Variants in ROBO1 observed in about 807,000 individuals in gnomAD.
ROBO1 encodes roundabout guidance receptor 1.
ROBO1 carries 149 observed loss-of-function variants against 195.9 expected under a neutral mutation model. That is an observed-to-expected ratio of 0.76 (90% CI 0.67 to 0.87). The LOEUF is 0.87. Among genes scored for constraint, ROBO1 ranks in the 40% least tolerant of loss-of-function variants. The pLI is 0.00. For missense variants in ROBO1, 1,933 were observed against 2,068.3 expected (o/e 0.93, Z 1.27); for synonymous variants, 816 against 733.2 (o/e 1.11, Z -1.82).
intron 4 of ROBO1, among the ~76,000 whole-genome samples, chr3:78,801,558 A>T (rs764633219): frequency 6.6e-6 from 1 of 152,168 alleles, no homozygotes; most frequent in African/African-American, 2.4e-5. Flanking sequence ...ACAAATTTTT[A>T]AATAGAAAAA....
At chr3:79,374,725 A>T (rs895325476) in intron 2 of ROBO1, among the ~76,000 whole-genome samples, 1 of 152,190 alleles carries the variant, frequency 6.6e-6, no homozygotes, top group African/African-American at 2.4e-5. Flanking sequence ...AGTCTTTTGT[A>T]GAAATGCTGC....
chr3:79,347,308 C>T (rs1370819215), intron 2 of ROBO1, among the ~76,000 whole-genome samples: 4 of 152,098 alleles, frequency 2.6e-5, no homozygotes, highest in African/African-American at 7.2e-5. Flanking sequence ...TTTAAAATCT[C>T]GTGAACACTT....
At chr3:78,768,676 G>C (rs2108409890) in intron 4 of ROBO1, among the ~76,000 whole-genome samples, 1 of 151,158 alleles carries the variant, frequency 6.6e-6, no homozygotes, top group African/African-American at 2.4e-5. Flanking sequence ...TATACTTTAA[G>C]TTTTAGGGTA....
In ROBO1 at chr3:79,515,772, T is replaced by C. The variant is rs1940917778; in HGVS notation, c.88+74052A>G. 2.0e-5 allele frequency among the ~76,000 whole-genome samples: 3 copies of C among 152,208 alleles called. No homozygotes were observed. In the South Asian group the frequency reaches 6.2e-4, roughly 31 times the overall value. On this transcript the variant is annotated intron_variant, in intron 2 of 30. Transcript: ENST00000464233. ...TTGAAACAACATTTTTCTTGGGTAATATCCCATAAAAAGAATCATAAAATG... is the reference window on the plus strand; with the variant it reads ...TTGAAACAACATTTTTCTTGGGTAACATCCCATAAAAAGAATCATAAAATG...
At chr3:78,823,256 G>A (rs967599754) in intron 4 of ROBO1, among the ~76,000 whole-genome samples, 2 of 146,256 alleles carry the variant, frequency 1.4e-5, no homozygotes, top group East Asian at 2.0e-4. Flanking sequence ...TTTTCCCATC[G>A]TTTCTGCGAT....
At chr3:79,409,638 G>A (rs1024615398) in intron 2 of ROBO1, among the ~76,000 whole-genome samples, 3 of 151,990 alleles carry the variant, frequency 2.0e-5, no homozygotes, top group Admixed American at 6.6e-5. Context: ...TCACTGCAAA[G>A]GTCTGCACCC....
chr3:79,229,532 G>GA (rs1174766096), intron 2 of ROBO1, among the ~76,000 whole-genome samples: 1 of 152,004 alleles, frequency 6.6e-6, no homozygotes, highest in African/African-American at 2.4e-5. Context: ...CTGTAGCCTG[G>GA]AACTCCTAGG....
Position 78,606,984 on chromosome 3 carries a change from T to C in ROBO1, c.4493A>G (p.Lys1498Arg), listed in dbSNP as rs748911508. Residue 1498 changes from lysine (K) to arginine (R), a missense_variant, in exon 29 of 31, where the codon AAG becomes AGG. Lys to Arg is a conservative substitution (Grantham distance 26). Around this residue, in one of 3 missense-constraint regions of ROBO1, gnomAD observed 1,737 missense variants for 1,882.5 expected, o/e 0.92. Transcript: ENST00000464233. ...PAIKSPTAQSKTQLEVRPVVV... is the reference protein window; with the variant it reads ...PAIKSPTAQSRTQLEVRPVVV... ...TACAGGTCGTACTTCCAGCTGTGTCTTGGATTGGGCAGTAGGTGACTTTAT... is the reference window on the plus strand; with the variant it reads ...TACAGGTCGTACTTCCAGCTGTGTCCTGGATTGGGCAGTAGGTGACTTTAT... 1 of 1,613,846 alleles carries C rather than the reference T, an allele frequency of 6.2e-7. No homozygotes were observed. Among genetic ancestry groups the C allele is most frequent in the South Asian group, 1.1e-5 (1 of 91,070 alleles).
chr3:78,739,002 T>C (rs1052738568), intron 5 of ROBO1, among the ~76,000 whole-genome samples: 1 of 152,154 alleles, frequency 6.6e-6, no homozygotes, highest in African/African-American at 2.4e-5. Flanking sequence ...GGCATGCTAC[T>C]GTAAGGACAG....
rs1276991276 is a variant in ROBO1, at chr3:79,484,896, GGCGTGCACCACCAT to G, written c.88+104914_88+104927del. 2.6e-5 allele frequency among the ~76,000 whole-genome samples: 4 copies of G among 151,578 alleles called. No homozygotes were observed. In the East Asian group the frequency reaches 7.8e-4, roughly 30 times the overall value. On this transcript the variant is annotated intron_variant, in intron 2 of 30. Coordinates refer to ENST00000464233, the MANE Select transcript of ROBO1 (RefSeq NM_002941.4). Reference sequence around the variant, plus strand: ...AGCCTCCTGAGTAGCTGGGACTACAGGCGTGCACCACCATGCCTAGCTAATTTTTGTATTTTTAG... The same window carrying G: ...AGCCTCCTGAGTAGCTGGGACTACAGGCCTAGCTAATTTTTGTATTTTTAG...
In ROBO1 at chr3:78,635,663, G is replaced by T. The variant is rs1368703129; in HGVS notation, c.3373+110C>A. Reference sequence around the variant, plus strand: ...AAACCAAAGAAATAAGAAAATCTCAGCGACAGAAGAAAAGATTTTACTTGC... The same window carrying T: ...AAACCAAAGAAATAAGAAAATCTCATCGACAGAAGAAAAGATTTTACTTGC... On this transcript the variant is annotated intron_variant, in intron 23 of 30. Coordinates refer to ENST00000464233, the MANE Select transcript of ROBO1 (RefSeq NM_002941.4). The T allele has an allele frequency of 7.4e-6, 7 of 950,568 alleles. No homozygotes were observed. The Admixed American group carries it at 1.2e-4, about 16-fold the overall frequency. The allele number at this position is 950,568 out of a possible 1,614,324, so 58.9% of individuals were successfully genotyped here.
At chr3:79,046,701 A>G (rs2078600840) in intron 3 of ROBO1, among the ~76,000 whole-genome samples, 1 of 152,048 alleles carries the variant, frequency 6.6e-6, no homozygotes, top group African/African-American at 2.4e-5. Flanking sequence ...TTCTGCCTGC[A>G]TTATGTTCGC....
At chr3:79,419,092 ATAAG>A (rs2038118921) in intron 2 of ROBO1, among the ~76,000 whole-genome samples, 1 of 152,250 alleles carries the variant, frequency 6.6e-6, no homozygotes, top group South Asian at 2.1e-4. Flanking sequence ...GTAGTGAAAG[ATAAG>A]TTAGTTTTAC....
intron 22 of ROBO1, among the ~76,000 whole-genome samples, chr3:78,637,179 T>C (rs918551204): frequency 1.3e-5 from 2 of 151,898 alleles, no homozygotes; most frequent in East Asian, 3.9e-4. Flanking sequence ...TAAATTAACA[T>C]GTTTGTTACT....
chr3:79,352,159 G>A (rs1054998837), intron 2 of ROBO1, among the ~76,000 whole-genome samples: 1 of 152,066 alleles, frequency 6.6e-6, no homozygotes, highest in African/African-American at 2.4e-5. Context: ...TTAGATTTTA[G>A]GCCTCTATAA....
At chr3:79,221,537 T>C (rs549427395) in intron 2 of ROBO1, among the ~76,000 whole-genome samples, 1 of 152,244 alleles carries the variant, frequency 6.6e-6, no homozygotes, top group South Asian at 2.1e-4. Flanking sequence ...TATAGCTTCA[T>C]GGATCCTACC....
chr3:79,057,147 A>G (rs201235065), intron 3 of ROBO1, among the ~76,000 whole-genome samples: 1 of 152,060 alleles, frequency 6.6e-6, no homozygotes, highest in East Asian at 1.9e-4. Context: ...TGAGGCTGTT[A>G]CAGTGTTCAC....
chr3:79,409,158 T>C (rs1158557565), intron 2 of ROBO1, among the ~76,000 whole-genome samples: 1 of 152,096 alleles, frequency 6.6e-6, no homozygotes, highest in African/African-American at 2.4e-5. Flanking sequence ...TTTGAAGACA[T>C]TAAAGTGTCT....
At chr3:79,321,413 T>G (rs971504068) in intron 2 of ROBO1, among the ~76,000 whole-genome samples, 5 of 152,232 alleles carry the variant, frequency 3.3e-5, no homozygotes, top group African/African-American at 1.2e-4. Flanking sequence ...GTGCTCTGAT[T>G]GCTTTTATTT....
Sources: gnomAD v4.1 joint callset for allele counts (sites outside exome capture counted in the v4.1 genomes callset) on GRCh38, gnomAD v4.1.1 for gene constraint, gnomAD v4.1.1 regional missense constraint, MANE v1.5 for transcripts, NCBI Gene and HGNC (gene_info 2026-07-23, HGNC 2026-07-21) for gene names.